SPEG: variants seen among roughly 807,000 people sequenced by gnomAD.
SPEG encodes striated muscle preferentially expressed protein kinase.
SPEG carries 114 observed loss-of-function variants against 300.4 expected under a neutral mutation model. The ratio of observed to expected loss-of-function variants is 0.38; its 90% CI spans 0.33 to 0.44. The LOEUF is 0.44. Among genes scored for constraint, SPEG ranks in the 20% least tolerant of loss-of-function variants. SPEG has a pLI of 1.00. For missense variants in SPEG, 4,201 were observed against 4,586.2 expected, an observed-to-expected ratio of 0.92 and a Z score of 2.43; for synonymous variants, 1,964 against 2,018.9, an observed-to-expected ratio of 0.97 and a Z score of 0.73.
chr2:219,477,012 G>A lies in SPEG; in HGVS notation c.4560+30G>A, dbSNP rs757306994. On this transcript the variant is annotated intron_variant, in intron 19 of 40. Transcript: ENST00000312358. This position sits in a 1 kb window ranked among gnomAD's most constrained non-coding sequence, Gnocchi z 6.4. ...GAGTGTGCTGCTGGCTGAGCCTGGG[G>A]GAGGGAGGAGGGGCTCCCTGGGGGC... 4 of 1,555,158 alleles carry A rather than the reference G, an allele frequency of 2.6e-6. No individual in the cohort carries two copies. Among genetic ancestry groups the A allele is most frequent in the South Asian group, 1.2e-5 (1 of 84,482 alleles).
At chr2:219,488,418 G>T in intron 32 of SPEG, 80 bp from the exon 33 acceptor site, 1 of 1,505,474 alleles carries the variant, frequency 6.6e-7, no homozygotes, top group Non-Finnish European at 9.0e-7. Flanking sequence ...TAGGGGGGAT[G>T]CTGGAGTGGG....
rs995809930 is a variant in SPEG, at chr2:219,434,922, G to A, written c.-56G>A. The A allele has an allele frequency of 5.9e-6, 8 of 1,346,964 alleles. No homozygotes were observed. The highest frequency in any genetic ancestry group is 7.8e-6 in the Non-Finnish European group (8 of 1,022,566). The allele number at this position is 1,346,964 out of a possible 1,614,324, so 83.4% of individuals were successfully genotyped here. A position where few individuals can be genotyped will look rare whatever the true frequency, so the allele number is the denominator to read the frequency against. On this transcript the variant is annotated 5_prime_UTR_variant, in exon 1 of 41. Coordinates refer to ENST00000312358, the MANE Select transcript of SPEG (RefSeq NM_005876.5). ...CTTGTCTCCTAGGGCACCGTCCCGC[G>A]GGTGCCCCCGTGGCCGCCCAGTTCC...
At position 219,484,055 on chromosome 2, in the gene SPEG, A is replaced by C. The variant is rs751532531; in HGVS notation, c.6592A>C (p.Thr2198Pro). The change falls in exon 30 of 41, where the codon ACA (threonine) becomes CCA (proline). Residue 2198 changes from threonine to proline, a missense_variant. By Grantham distance (38) the Thr-to-Pro change is conservative (BLOSUM62 -1). Transcript: ENST00000312358. ...TPKSAEPSAT[T>P]PSDAPQPPAP... The stretch of plus-strand genomic sequence containing the variant: ...TAAGTCTGCAGAACCTTCTGCCACC[A>C]CACCTAGTGATGCTCCGCAGCCCCC... The C allele has an allele frequency of 6.6e-5, 107 of 1,613,122 alleles. No individual in the cohort carries two copies. Among genetic ancestry groups the C allele is most frequent in the Admixed American group, 1.0e-4 (6 of 59,966 alleles).
chr2:219,469,034 C>T lies in SPEG; in HGVS notation c.3477C>T (p.Ala1159=), dbSNP rs372151356. The part of the protein sequence containing the change: ...AQLYVEEPRT[A]ASGPSSKLEK... ...TGTATGTAGAAGAGCCCCGGACAGC[C>T]GCCTCAGGCCCCAGGTACCACCGGG... The change falls in exon 12 of 41, where the codon GCC becomes GCT. Residue 1159 remains alanine (A), a synonymous_variant. Coordinates refer to ENST00000312358, the MANE Select transcript of SPEG (RefSeq NM_005876.5). The T allele has an allele frequency of 6.2e-5, 100 of 1,612,126 alleles. No homozygotes were observed. Among genetic ancestry groups the T allele is most frequent in the East Asian group, 1.1e-4 (5 of 44,854 alleles).
chr2:219,436,139 A>T (rs2125188800), intron 1 of SPEG, among the ~76,000 whole-genome samples: 1 of 152,334 alleles, frequency 6.6e-6, no homozygotes, highest in Non-Finnish European at 1.5e-5. Flanking sequence ...TTTCCAGAGC[A>T]TGGAAGGGGG....
At chr2:219,488,149 G>A in intron 31 of SPEG, 45 bp from the exon 32 acceptor site, 1 of 1,358,064 alleles carries the variant, frequency 7.4e-7, no homozygotes, top group Non-Finnish European at 1.0e-6. Context: ...CAGTAAGTGG[G>A]CCAGGGTCCC....
chr2:219,435,512 A>G, intron 1 of SPEG, 147 bp downstream of exon 1: 2 of 904,812 alleles, frequency 2.2e-6, no homozygotes, highest in South Asian at 3.9e-5. Flanking sequence ...CCGGCCCCAG[A>G]AGTGAGACGA....
chr2:219,487,719 T>G (rs1693570765), intron 31 of SPEG, among the ~76,000 whole-genome samples: 1 of 152,206 alleles, frequency 6.6e-6, no homozygotes, highest in Non-Finnish European at 1.5e-5. Context: ...CTGCACATTC[T>G]GATAGAACAT....
At chr2:219,435,834 G>A (rs1222299586) in intron 1 of SPEG, among the ~76,000 whole-genome samples, 1 of 152,238 alleles carries the variant, frequency 6.6e-6, no homozygotes, top group Non-Finnish European at 1.5e-5. Context: ...AGAGCTCCCT[G>A]CAGGCCATTG....
intron 18 of SPEG, among the ~76,000 whole-genome samples, chr2:219,475,323 G>A (rs1692239129): frequency 6.6e-6 from 1 of 152,108 alleles, no homozygotes; most frequent in South Asian, 2.1e-4. Flanking sequence ...TCTTATCATG[G>A]GTAAATGGAC....
chr2:219,481,794 T>A lies in SPEG; in HGVS notation c.5565+114T>A. 1 of 909,636 alleles carries A rather than the reference T, an allele frequency of 1.1e-6. No individual in the cohort carries two copies. The highest frequency in any genetic ancestry group is 1.8e-6 in the Non-Finnish European group (1 of 552,020). The allele number at this position is 909,636 out of a possible 1,614,324, so 56.3% of individuals were successfully genotyped here. On this transcript the variant is annotated intron_variant, in intron 28 of 40. Transcript: ENST00000312358. The surrounding 1 kb of genome is among the most constrained non-coding windows in gnomAD (Gnocchi z 5.4). ...CAGTAACCACGTTAGGCATTGTATG[T>A]ACATATGACGTATTAGCCTCACAAT...
At chr2:219,455,322 G>A (rs991503) in intron 6 of SPEG, among the ~76,000 whole-genome samples, 65,614 of 152,076 alleles carry the variant, frequency 0.43, 16,039 homozygotes, top group East Asian at 0.66. Flanking sequence ...CAGCAGTTTT[G>A]TCTGGAGCAG....
rs1256931187 is a variant in SPEG at position 219,443,752 on chromosome 2, G to A, written c.389-901G>A. 5.6e-6 allele frequency: 2 copies of A among 356,982 alleles called. No individual in the cohort carries two copies. Among genetic ancestry groups the A allele is most frequent in the African/African-American group, 4.3e-5 (2 of 46,740 alleles). 22.1% of individuals were successfully genotyped at this position (356,982 alleles called of 1,614,324 possible). ...GGACTGGACACAAGCAGGTGTGTGT[G>A]TGTGTGTGTGCATGTGTGTGTGTGG... On this transcript the variant is annotated intron_variant, in intron 1 of 40. Transcript: ENST00000312358. The surrounding 1 kb of genome is among the most constrained non-coding windows in gnomAD (Gnocchi z 4.6).
intron 15 of SPEG, 129 bp downstream of exon 15, chr2:219,472,460 G>A (rs1427217706): frequency 6.3e-6 from 5 of 789,878 alleles, no homozygotes; most frequent in Non-Finnish European, 8.2e-6. Context: ...ATGCTGGTGG[G>A]ACCAGCTTTG....
rs564959341 is a variant in SPEG at position 219,465,877 on chromosome 2, G to A, written c.2881+1269G>A. On this transcript the variant is annotated intron_variant, in intron 9 of 40. Transcript: ENST00000312358. ...TGTGTGCATGTGTGTGCGTGTGTGC[G>A]TGCGTGTGCATGTGTGCGTATGGGT... 405 of 630,692 alleles carry A rather than the reference G, an allele frequency of 6.4e-4. 6 individuals are homozygous for A. In the South Asian group the frequency reaches 7.0e-3, roughly 11 times the overall value. 39.1% of individuals were successfully genotyped at this position (630,692 alleles called of 1,614,324 possible). A position where few individuals can be genotyped will look rare whatever the true frequency, so the allele number is the denominator to read the frequency against.
rs576039920 is a variant in SPEG at position 219,488,176 on chromosome 2, T to C, written c.7742-18T>C. ...CAGGGTCCCTACAGATAGATGGCTG[T>C]CTCTGCTTTTCCTCCAGACTTCCCC... On this transcript the variant is annotated intron_variant, in intron 31 of 40. Coordinates refer to ENST00000312358, the MANE Select transcript of SPEG (RefSeq NM_005876.5). 70 of 1,576,504 alleles carry C rather than the reference T, an allele frequency of 4.4e-5. No homozygotes were observed. In the South Asian group the frequency reaches 7.4e-4, roughly 17 times the overall value.
intron 1 of SPEG, chr2:219,442,197 T>G: frequency 1.6e-6 from 1 of 635,254 alleles, no homozygotes; most frequent in Non-Finnish European, 2.1e-6. Flanking sequence ...GATCGGCGCC[T>G]GCCCCACCCG....
At chr2:219,472,106 T>C in intron 14 of SPEG, 119 bp downstream of exon 14, 2 of 1,524,152 alleles carry the variant, frequency 1.3e-6, no homozygotes, top group South Asian at 2.4e-5. Context: ...GGGGACCCTC[T>C]TGCCTTGCCC....
chr2:219,455,808 C>T (rs1344890118), intron 6 of SPEG, among the ~76,000 whole-genome samples: 2 of 152,168 alleles, frequency 1.3e-5, no homozygotes, highest in Non-Finnish European at 2.9e-5. Flanking sequence ...CCTTGCATGC[C>T]TGATGTGAGC....
Sources: allele counts gnomAD v4.1 joint callset (sites outside exome capture counted in the v4.1 genomes callset), GRCh38; gene constraint gnomAD v4.1.1; non-coding constraint Gnocchi (gnomAD v3.1); transcripts MANE v1.5; gene names NCBI Gene and HGNC (gene_info 2026-07-23, HGNC 2026-07-21).